The following CNOT2 variants were observed in gnomAD, a reference collection of about 807,000 sequenced individuals.
CNOT2 encodes CC chemokine receptor 4-negative regulator of transcription 2.
A neutral mutation model predicts 72.1 loss-of-function variants in CNOT2; 7 were observed. The ratio of observed to expected loss-of-function variants is 0.10; its 90% CI spans 0.06 to 0.18. The LOEUF is 0.18. Among genes scored for constraint, CNOT2 ranks in the 10% least tolerant of loss-of-function variants. The probability of loss-of-function intolerance (pLI) is 1.00; values close to 1 mark genes in which losing one functional copy is unlikely to be tolerated. For missense variants in CNOT2, 345 were observed against 660.3 expected, an observed-to-expected ratio of 0.52 and a Z score of 5.23; for synonymous variants, 196 against 225.6, an observed-to-expected ratio of 0.87 and a Z score of 1.17.
chr12:70,343,347 G>GT (rs1180921747), intron 13 of CNOT2, among the ~76,000 whole-genome samples: 2 of 152,118 alleles, frequency 1.3e-5, no homozygotes, highest in East Asian at 3.9e-4. Context: ...TAAAAATGTT[G>GT]TTTTGGGACA....
chr12:70,336,969 C>T (rs1480446201), intron 8 of CNOT2: 1 of 154,346 alleles, frequency 6.5e-6, no homozygotes, highest in African/African-American at 2.4e-5. Flanking sequence ...GCAATTTGCT[C>T]ACTCTGTAAG....
rs1268860343 is a variant in CNOT2 at position 70,311,034 on chromosome 12, TG to T, written c.171+18del. On this transcript the variant is annotated intron_variant, in intron 3 of 15. Transcript: ENST00000229195. ...GAAAAAGATGTAAGTTAATCAATTA[TG>T]TTGTATTTTTTCAGCAATGTAAGTC... The T allele has an allele frequency of 3.2e-6, 5 of 1,575,450 alleles. No individual in the cohort carries two copies. The highest frequency in any genetic ancestry group is 4.4e-6 in the Non-Finnish European group (5 of 1,148,654).
intron 4 of CNOT2, chr12:70,322,678 C>T (rs188029030): frequency 6.7e-4 from 101 of 151,844 alleles, no homozygotes; most frequent in African/African-American, 2.3e-3. Flanking sequence ...AGAACAATGA[C>T]ATAGTCTCAT....
intron 2 of CNOT2, among the ~76,000 whole-genome samples, chr12:70,299,884 T>C (rs1249877879): frequency 6.6e-6 from 1 of 152,216 alleles, no homozygotes; most frequent in African/African-American, 2.4e-5. Context: ...CTCTAGCACC[T>C]GTTGTTTCCT....
intron 2 of CNOT2, among the ~76,000 whole-genome samples, chr12:70,304,901 T>C (rs528064333): frequency 9.8e-5 from 15 of 152,340 alleles, no homozygotes; most frequent in Admixed American, 3.9e-4. Flanking sequence ...GCCTGGCTGC[T>C]GCCTTGCAGT....
intron 7 of CNOT2, among the ~76,000 whole-genome samples, chr12:70,333,679 CTT>C (rs1013745019): frequency 6.6e-6 from 1 of 151,848 alleles, no homozygotes; most frequent in Non-Finnish European, 1.5e-5. Context: ...TAGCTATGAG[CTT>C]TTAATTTCTA....
chr12:70,297,761 G>T (rs556289323), intron 2 of CNOT2: 9 of 369,642 alleles, frequency 2.4e-5, no homozygotes, highest in South Asian at 1.7e-4. Flanking sequence ...TTTTTGAGAC[G>T]TGGTCTCACT....
chr12:70,276,323 GA>G (rs2135796808), intron 1 of CNOT2, among the ~76,000 whole-genome samples: 2 of 151,988 alleles, frequency 1.3e-5, no homozygotes, highest in African/African-American at 4.8e-5. Flanking sequence ...TTCTTTTGCT[GA>G]CATTAATATA....
chr12:70,278,522 T>C (rs1308117247), intron 2 of CNOT2: 3 of 430,728 alleles, frequency 7.0e-6, no homozygotes, highest in East Asian at 7.7e-5. Flanking sequence ...TGTCAAAACT[T>C]AGATTATTTG....
intron 2 of CNOT2, among the ~76,000 whole-genome samples, chr12:70,281,354 AT>A (rs1312421543): frequency 6.6e-6 from 1 of 152,174 alleles, no homozygotes; most frequent in Non-Finnish European, 1.5e-5. Context: ...AAGTGCTGGG[AT>A]TACAGGCGTG....
intron 2 of CNOT2, among the ~76,000 whole-genome samples, chr12:70,300,894 A>C (rs1010562457): frequency 6.7e-4 from 102 of 152,114 alleles, no homozygotes; most frequent in African/African-American, 2.1e-3. Flanking sequence ...CTTTTATTTC[A>C]TTGAGCAGTG....
At chr12:70,284,664 TCCC>T (rs1293623567) in intron 2 of CNOT2, among the ~76,000 whole-genome samples, 93 of 151,744 alleles carry the variant, frequency 6.1e-4, no homozygotes, top group African/African-American at 2.2e-3. Context: ...TTAAATGAAT[TCCC>T]AAGTTCCTCA....
intron 3 of CNOT2, among the ~76,000 whole-genome samples, chr12:70,317,655 G>A (rs185529353): frequency 2.9e-5 from 3 of 105,112 alleles, no homozygotes; most frequent in Non-Finnish European, 5.6e-5. Context: ...CACTACTGTC[G>A]TATTAATATT....
chr12:70,319,392 A>C, intron 4 of CNOT2, 28 bp downstream of exon 4: 2 of 1,597,256 alleles, frequency 1.3e-6, no homozygotes, highest in Non-Finnish European at 1.7e-6. Context: ...ATTCTGGGAT[A>C]CTTTATTTAA....
intron 1 of CNOT2, among the ~76,000 whole-genome samples, chr12:70,266,034 C>T (rs1429874844): frequency 2.7e-5 from 4 of 148,572 alleles, no homozygotes; most frequent in Non-Finnish European, 3.0e-5. Context: ...AACTAAGATG[C>T]AACTAATTTG....
At chr12:70,305,989 G>T (rs1875298736) in intron 2 of CNOT2, among the ~76,000 whole-genome samples, 1 of 142,190 alleles carries the variant, frequency 7.0e-6, no homozygotes, top group African/African-American at 2.6e-5. Context: ...TTCATAGCTA[G>T]TCTAAACTAA....
At chr12:70,294,449 TA>T (rs1343194873) in intron 2 of CNOT2, among the ~76,000 whole-genome samples, 1 of 152,174 alleles carries the variant, frequency 6.6e-6, no homozygotes, top group Non-Finnish European at 1.5e-5. Context: ...ATAAATTATT[TA>T]AAAAATAGTG....
At chr12:70,332,994 T>G in intron 7 of CNOT2, 148 bp downstream of exon 7, 1 of 1,259,140 alleles carries the variant, frequency 7.9e-7, no homozygotes. Flanking sequence ...AGGAATAGGA[T>G]TCAATACAGT....
chr12:70,342,912 T>G (rs1354611550), intron 13 of CNOT2, among the ~76,000 whole-genome samples: 1 of 152,190 alleles, frequency 6.6e-6, no homozygotes, highest in East Asian at 1.9e-4. Context: ...AAATATATTT[T>G]TGTTATATAT....
Sources: gnomAD v4.1 joint callset for allele counts (sites outside exome capture counted in the v4.1 genomes callset) on GRCh38, gnomAD v4.1.1 for gene constraint, MANE v1.5 for transcripts, NCBI Gene and HGNC (gene_info 2026-07-23, HGNC 2026-07-21) for gene names.